The following ACOT11 variants were observed in gnomAD, a reference collection of about 807,000 sequenced individuals.
ACOT11 encodes the protein acyl-CoA thioesterase 11, also known as acyl-coenzyme A thioesterase 11.
ACOT11 carries 69 observed loss-of-function variants against 77.5 expected under a neutral mutation model. The observed-to-expected ratio is 0.89, with a 90% CI of 0.73 to 1.09. The LOEUF is 1.09. Among genes scored for constraint, ACOT11 ranks in the 50% least tolerant of loss-of-function variants. ACOT11 has a pLI of 0.00. For missense variants in ACOT11, 766 were observed against 813.7 expected (o/e 0.94, Z 0.71); for synonymous variants, 279 against 313.0 (o/e 0.89, Z 1.15).
intron 2 of ACOT11, among the ~76,000 whole-genome samples, chr1:54,585,213 C>T (rs781365535): frequency 6.6e-6 from 1 of 152,158 alleles, no homozygotes; most frequent in Admixed American, 6.5e-5. Context: ...AGTTGAGGTG[C>T]GCTGGACTGA....
At chr1:54,572,652 C>G (rs1054041636) in intron 1 of ACOT11, among the ~76,000 whole-genome samples, 1 of 152,198 alleles carries the variant, frequency 6.6e-6, no homozygotes, top group African/African-American at 2.4e-5. Flanking sequence ...CTTCTGGCCA[C>G]TTTTGTGGTC....
At chr1:54,583,348 A>G (rs538507047) in intron 1 of ACOT11, among the ~76,000 whole-genome samples, 1 of 152,272 alleles carries the variant, frequency 6.6e-6, no homozygotes, top group South Asian at 2.1e-4. Context: ...GACTTTGAAC[A>G]AGCCACCTCG....
chr1:54,562,699 C>T (rs1653577939), intron 1 of ACOT11, among the ~76,000 whole-genome samples: 2 of 83,234 alleles, frequency 2.4e-5, no homozygotes, highest in African/African-American at 5.4e-5. Context: ...ACGGGGCGGC[C>T]GGGCAGAGAC....
At chr1:54,603,573 C>G (rs1448550251) in intron 10 of ACOT11, among the ~76,000 whole-genome samples, 1 of 152,174 alleles carries the variant, frequency 6.6e-6, no homozygotes, top group East Asian at 1.9e-4. Flanking sequence ...GATGAGGACA[C>G]AGCAGCACCA....
chr1:54,575,732 C>T (rs1237126696), intron 1 of ACOT11, among the ~76,000 whole-genome samples: 1 of 152,228 alleles, frequency 6.6e-6, no homozygotes, highest in Non-Finnish European at 1.5e-5. Context: ...ATGGAGAGCA[C>T]TGCAGAAGTG....
rs1328396542 is a variant in ACOT11 at position 54,549,171 on chromosome 1, TC to T, written c.33+834del. Among the ~76,000 whole-genome samples the T allele has an allele frequency of 3.9e-5, 6 of 152,170 alleles. No homozygotes were observed. In the South Asian group the frequency reaches 1.2e-3, roughly 32 times the overall value. On this transcript the variant is annotated intron_variant, in intron 1 of 15. Transcript: ENST00000343744. ...CCCTGTGCATCTTGTCTCCCCTGGCTCCCCCATTCCATGTCAGCCCCTTTCA... is the reference window on the plus strand; with the variant it reads ...CCCTGTGCATCTTGTCTCCCCTGGCTCCCCATTCCATGTCAGCCCCTTTCA...
chr1:54,552,834 T>TG (rs1329133336), intron 1 of ACOT11, among the ~76,000 whole-genome samples: 13 of 149,912 alleles, frequency 8.7e-5, no homozygotes, highest in African/African-American at 3.2e-4. Flanking sequence ...TGTTTTGTTT[T>TG]TTTTTTTTTT....
At chr1:54,634,410 G>T (rs951159361) in intron 16 of ACOT11, among the ~76,000 whole-genome samples, 1 of 152,156 alleles carries the variant, frequency 6.6e-6, no homozygotes, top group Non-Finnish European at 1.5e-5. Flanking sequence ...AGCTTGTAGC[G>T]GTAATTGAGG....
chr1:54,610,897 G>A (rs72903827), downstream of ACOT11: 11,260 of 985,262 alleles, frequency 0.011, 864 homozygotes, highest in African/African-American at 0.16. Flanking sequence ...TTCTGGGTTC[G>A]GGGTCAAGGG....
intron 16 of ACOT11, among the ~76,000 whole-genome samples, chr1:54,634,409 C>T (rs949482723): frequency 5.9e-5 from 9 of 152,140 alleles, no homozygotes; most frequent in African/African-American, 1.4e-4. Flanking sequence ...GAGCTTGTAG[C>T]GGTAATTGAG....
downstream of ACOT11, among the ~76,000 whole-genome samples, chr1:54,614,261 G>T (rs1443680070): frequency 1.3e-5 from 2 of 152,188 alleles, no homozygotes; most frequent in African/African-American, 4.8e-5. Flanking sequence ...TCCAGCTGGG[G>T]AAGGAATCAA....
intron 15 of ACOT11, among the ~76,000 whole-genome samples, chr1:54,625,742 A>T (rs1644267830): frequency 6.6e-6 from 1 of 151,774 alleles, no homozygotes. Flanking sequence ...GTTCGAGACC[A>T]GCCTGACCAA....
exon 17 of ACOT11, chr1:54,639,016 C>A (rs1042430589): frequency 7.9e-5 from 12 of 151,576 alleles, no homozygotes; most frequent in African/African-American, 2.9e-4. Context: ...CATGGTGAAA[C>A]CTTGTCTCTA....
At position 54,609,302 on chromosome 1, in the gene ACOT11, TGGTAGCCCTGG is replaced by T; in HGVS notation, c.*198_*208del. On this transcript the variant is annotated 3_prime_UTR_variant, in exon 16 of 16. Transcript: ENST00000343744. Reference sequence around the variant, plus strand: ...ACCAACATGAGCCAGCAAGTCCTTGTGGTAGCCCTGGGGTAGCCTGTAGTAGACTCGGGTCC... The same window carrying T: ...ACCAACATGAGCCAGCAAGTCCTTGTGGTAGCCTGTAGTAGACTCGGGTCC... 1.9e-6 allele frequency: 3 copies of T among 1,610,316 alleles called. No homozygotes were observed. Among genetic ancestry groups the T allele is most frequent in the Middle Eastern group, 1.7e-4 (1 of 6,054 alleles).
At chr1:54,626,387 T>A (rs1253814070) in intron 15 of ACOT11, among the ~76,000 whole-genome samples, 1 of 152,228 alleles carries the variant, frequency 6.6e-6, no homozygotes, top group African/African-American at 2.4e-5. Context: ...AGCCCCATAC[T>A]GATAAGTCTC....
At chr1:54,582,789 A>G (rs547107348) in intron 1 of ACOT11, among the ~76,000 whole-genome samples, 1 of 152,218 alleles carries the variant, frequency 6.6e-6, no homozygotes, top group African/African-American at 2.4e-5. Flanking sequence ...GTGTGTCCAG[A>G]CTGCCCAGAA....
rs556109250 is a variant in ACOT11, at chr1:54,571,061, T to TTCTCTCTCTCTCTCTC, written c.34-13583_34-13582insCTCTCTCTCTCTCTCT. Among the ~76,000 whole-genome samples the TTCTCTCTCTCTCTCTC allele has an allele frequency of 2.6e-3, 387 of 149,464 alleles. 3 individuals carry two copies. Among genetic ancestry groups the TTCTCTCTCTCTCTCTC allele is most frequent in the African/African-American group, 8.8e-3 (346 of 39,412 alleles). On this transcript the variant is annotated intron_variant, in intron 1 of 15. Coordinates refer to ENST00000343744, the MANE Select transcript of ACOT11 (RefSeq NM_147161.4). ...ATCTCATTGAATCCCAATTATGATATTCTCTCTCTCTTTTTTTTTTTTTTT... is the reference window on the plus strand; with the variant it reads ...ATCTCATTGAATCCCAATTATGATATTCTCTCTCTCTCTCTCTCTCTCTCTCTTTTTTTTTTTTTTT...
intron 15 of ACOT11, chr1:54,619,879 T>C: frequency 1.2e-6 from 2 of 1,614,086 alleles, no homozygotes; most frequent in South Asian, 2.2e-5. Context: ...AGGGCAGCTG[T>C]CATGGCTTTC....
At chr1:54,606,301 T>C (rs1644025471) in intron 13 of ACOT11, among the ~76,000 whole-genome samples, 1 of 152,114 alleles carries the variant, frequency 6.6e-6, no homozygotes, top group African/African-American at 2.4e-5. Context: ...CCAGACCAAA[T>C]CTTGATACTT....
Sources: allele counts gnomAD v4.1 joint callset (sites outside exome capture counted in the v4.1 genomes callset), GRCh38; gene constraint gnomAD v4.1.1; transcripts MANE v1.5; gene names NCBI Gene and HGNC (gene_info 2026-07-23, HGNC 2026-07-21).